Variants in PCDH15 observed in about 807,000 individuals in gnomAD.
PCDH15 encodes protocadherin related 15.
In PCDH15, 129 loss-of-function variants were observed where a neutral mutation model predicts 178.5. That is an observed-to-expected ratio of 0.72 (90% CI 0.63 to 0.84). PCDH15 has a LOEUF of 0.84. Among genes scored for constraint, PCDH15 ranks in the 40% least tolerant of loss-of-function variants. The pLI is 0.00. For missense variants in PCDH15, 2,230 were observed against 2,099.9 expected (o/e 1.06, Z -1.21); for synonymous variants, 800 against 732.0 (o/e 1.09, Z -1.50).
intron 2 of PCDH15, among the ~76,000 whole-genome samples, chr10:54,904,571 G>T (rs576728569): frequency 6.6e-6 from 1 of 151,914 alleles, no homozygotes; most frequent in Non-Finnish European, 1.5e-5. Context: ...CATTTACAAT[G>T]ATATATTTAC....
chr10:54,859,101 T>C (rs1388962122), intron 3 of PCDH15, among the ~76,000 whole-genome samples: 1 of 152,132 alleles, frequency 6.6e-6, no homozygotes, highest in Admixed American at 6.6e-5. Context: ...TCTAGCTATG[T>C]CTCAACTGAA....
intron 3 of PCDH15, among the ~76,000 whole-genome samples, chr10:54,843,780 T>C (rs1318843058): frequency 3.3e-5 from 5 of 151,976 alleles, no homozygotes; most frequent in Non-Finnish European, 7.4e-5. Flanking sequence ...AGACAAGCAA[T>C]TGAAATTTCT....
chr10:54,172,078 C>A (rs899464252), intron 13 of PCDH15, among the ~76,000 whole-genome samples: 1 of 152,040 alleles, frequency 6.6e-6, no homozygotes, highest in African/African-American at 2.4e-5. Context: ...TGAGCTCAAG[C>A]CAAGCCATCG....
chr10:54,916,871 T>C (rs1837350807), intron 2 of PCDH15, among the ~76,000 whole-genome samples: 1 of 152,178 alleles, frequency 6.6e-6, no homozygotes, highest in Non-Finnish European at 1.5e-5. Flanking sequence ...TTGGGATTTT[T>C]TGCAAGTGAT....
chr10:54,616,238 T>A (rs201433922), intron 2 of PCDH15, among the ~76,000 whole-genome samples: 1 of 151,984 alleles, frequency 6.6e-6, no homozygotes, highest in Non-Finnish European at 1.5e-5. Context: ...AAGGGAGGCA[T>A]GAAGAAGAGC....
chr10:55,589,835 G>A (rs1346510760), intron 2 of PCDH15, among the ~76,000 whole-genome samples: 3 of 150,010 alleles, frequency 2.0e-5, no homozygotes, highest in Admixed American at 6.7e-5. Flanking sequence ...GAGGATGTGG[G>A]GAAATAGGAA....
chr10:54,751,536 G>GA (rs1205666685), intron 1 of PCDH15, among the ~76,000 whole-genome samples: 10 of 151,988 alleles, frequency 6.6e-5, no homozygotes, highest in South Asian at 2.1e-4. Context: ...ATTGCACCCA[G>GA]AAAAAACCCT....
intron 1 of PCDH15, among the ~76,000 whole-genome samples, chr10:55,198,018 G>A (rs1227191622): frequency 6.6e-6 from 1 of 152,104 alleles, no homozygotes; most frequent in African/African-American, 2.4e-5. Context: ...GTGGTTCTGT[G>A]TTCTGCCTCA....
chr10:55,460,534 G>A (rs190943207), intron 2 of PCDH15, among the ~76,000 whole-genome samples: 49 of 152,096 alleles, frequency 3.2e-4, no homozygotes, highest in African/African-American at 9.2e-4. Flanking sequence ...CACCGGACGC[G>A]TTTTGGTTTT....
intron 3 of PCDH15, among the ~76,000 whole-genome samples, chr10:54,406,154 T>C (rs998998737): frequency 6.6e-6 from 1 of 152,126 alleles, no homozygotes; most frequent in African/African-American, 2.4e-5. Flanking sequence ...ACACATTATG[T>C]CTTTTTGTTT....
intron 1 of PCDH15, among the ~76,000 whole-genome samples, chr10:54,766,113 A>C: frequency 6.6e-6 from 1 of 152,260 alleles, no homozygotes; most frequent in African/African-American, 2.4e-5. Flanking sequence ...ATGTATCTGG[A>C]ATAAGAAAAA....
chr10:55,476,018 A>T (rs1420763631), intron 2 of PCDH15, among the ~76,000 whole-genome samples: 1 of 152,104 alleles, frequency 6.6e-6, no homozygotes, highest in Non-Finnish European at 1.5e-5. Context: ...TTCGACAGTT[A>T]TGTATTCAAT....
intron 1 of PCDH15, among the ~76,000 whole-genome samples, chr10:54,770,328 A>G (rs763860336): frequency 2.0e-5 from 3 of 152,114 alleles, no homozygotes; most frequent in Admixed American, 6.6e-5. Context: ...AAATGATCAG[A>G]TTAGATTCAG....
At chr10:54,326,210 T>A (rs1284816985) in intron 7 of PCDH15, among the ~76,000 whole-genome samples, 1 of 152,112 alleles carries the variant, frequency 6.6e-6, no homozygotes, top group Non-Finnish European at 1.5e-5. Context: ...CAGCTGACTT[T>A]CCACCTCCAA....
At chr10:54,741,292 G>C (rs1429462372) in intron 1 of PCDH15, among the ~76,000 whole-genome samples, 2 of 150,718 alleles carry the variant, frequency 1.3e-5, no homozygotes, top group Non-Finnish European at 3.0e-5. Context: ...TAAAAATAAA[G>C]CCATGCATAC....
At chr10:54,057,588 T>C (rs948866896) in intron 18 of PCDH15, among the ~76,000 whole-genome samples, 1 of 151,910 alleles carries the variant, frequency 6.6e-6, no homozygotes, top group Non-Finnish European at 1.5e-5. Context: ...CAGGAAACCA[T>C]TTTTTCCTCC....
chr10:54,011,463 C>T (rs2092583524), intron 20 of PCDH15, among the ~76,000 whole-genome samples: 1 of 152,168 alleles, frequency 6.6e-6, no homozygotes, highest in African/African-American at 2.4e-5. Context: ...GGGGAAAGAA[C>T]ATAAAGCCTG....
chr10:55,251,589 A>T (rs898775208), intron 1 of PCDH15, among the ~76,000 whole-genome samples: 1 of 152,144 alleles, frequency 6.6e-6, no homozygotes, highest in African/African-American at 2.4e-5. Flanking sequence ...TTTGAAGGAC[A>T]TCGCCTATAT....
intron 17 of PCDH15, among the ~76,000 whole-genome samples, chr10:54,068,758 T>G (rs942032111): frequency 6.6e-6 from 1 of 152,168 alleles, no homozygotes; most frequent in Non-Finnish European, 1.5e-5. Flanking sequence ...TTAATTTCTG[T>G]TTTTTGTTAT....
Sources: allele counts gnomAD v4.1 joint callset (sites outside exome capture counted in the v4.1 genomes callset), GRCh38; gene constraint gnomAD v4.1.1; transcripts MANE v1.5; gene names NCBI Gene and HGNC (gene_info 2026-07-23, HGNC 2026-07-21).